ATRNL1: variants seen among roughly 807,000 people sequenced by gnomAD.
ATRNL1 encodes the protein attractin-like protein 1.
A neutral mutation model predicts 182.7 loss-of-function variants in ATRNL1; 95 were observed. That is an observed-to-expected ratio of 0.52 (90% CI 0.44 to 0.62). ATRNL1 has a LOEUF of 0.62. Ranked by LOEUF, ATRNL1 falls within the 20% of genes least tolerant of loss-of-function variation. ATRNL1 has a pLI of 0.00. For synonymous variants in ATRNL1, 576 were observed against 568.3 expected (o/e 1.01, Z -0.19); for missense variants, 1,471 against 1,679.5 (o/e 0.88, Z 2.17).
chr10:115,765,285 G>A (rs558760923), intron 27 of ATRNL1, among the ~76,000 whole-genome samples: 13 of 152,288 alleles, frequency 8.5e-5, no homozygotes, highest in Non-Finnish European at 1.6e-4. Context: ...ATTCCCGTGA[G>A]CAAAGAATGA....
At chr10:115,561,348 C>T (rs2133838219) in intron 26 of ATRNL1, among the ~76,000 whole-genome samples, 1 of 152,286 alleles carries the variant, frequency 6.6e-6, no homozygotes, top group South Asian at 2.1e-4. Context: ...GTAGGCATTT[C>T]TCCATATAAT....
chr10:115,564,911 A>T (rs1183073419), intron 26 of ATRNL1, among the ~76,000 whole-genome samples: 4 of 151,980 alleles, frequency 2.6e-5, no homozygotes, highest in Non-Finnish European at 5.9e-5. Context: ...ATAATTCTGA[A>T]TTATTTTGCA....
intron 27 of ATRNL1, among the ~76,000 whole-genome samples, chr10:115,758,063 C>G (rs555957346): frequency 6.6e-6 from 1 of 151,954 alleles, no homozygotes; most frequent in African/African-American, 2.4e-5. Context: ...ATTCATATAA[C>G]CTTTTTTTCC....
chr10:115,743,967 G>A (rs1555068470), intron 27 of ATRNL1, among the ~76,000 whole-genome samples: 1 of 149,182 alleles, frequency 6.7e-6, no homozygotes, highest in African/African-American at 2.5e-5. Flanking sequence ...TTTATTCTAG[G>A]AGTAAATATA....
At position 115,865,633 on chromosome 10, in the gene ATRNL1, G is replaced by A. The variant is rs560575333; in HGVS notation, c.4018+17642G>A. On this transcript the variant is annotated intron_variant, in intron 28 of 28. Transcript: ENST00000355044. The stretch of plus-strand genomic sequence containing the variant: ...ATAGAAAAATACCCCTATCTTACAG[G>A]TAAAGAAATGAGGTTACAGAAAGGT... Among the ~76,000 whole-genome samples the A allele has an allele frequency of 3.9e-5, 6 of 152,200 alleles. No individual in the cohort carries two copies. The East Asian group carries it at 7.7e-4, about 20-fold the overall frequency.
intron 20 of ATRNL1, among the ~76,000 whole-genome samples, chr10:115,409,830 C>G (rs1715228791): frequency 6.6e-6 from 1 of 152,108 alleles, no homozygotes; most frequent in African/African-American, 2.4e-5. Context: ...TTCAGCTTTT[C>G]CCTATTCAAA....
intron 27 of ATRNL1, among the ~76,000 whole-genome samples, chr10:115,750,629 A>G (rs938746887): frequency 9.0e-4 from 130 of 144,330 alleles, no homozygotes; most frequent in African/African-American, 3.0e-3. Context: ...GAAAATTTAG[A>G]AAAAAAAACT....
At chr10:115,311,982 G>A (rs1190999017) in intron 17 of ATRNL1, among the ~76,000 whole-genome samples, 1 of 151,358 alleles carries the variant, frequency 6.6e-6, no homozygotes, top group Non-Finnish European at 1.5e-5. Flanking sequence ...CCTTTACCTT[G>A]AGTCTATAAG....
chr10:115,647,854 T>A (rs12219313), intron 26 of ATRNL1, among the ~76,000 whole-genome samples: 26,655 of 152,148 alleles, frequency 0.18, 2,907 homozygotes, highest in East Asian at 0.26. Flanking sequence ...GGTGTTTTAG[T>A]CATGAAGTCC....
intron 24 of ATRNL1, among the ~76,000 whole-genome samples, chr10:115,477,515 G>A (rs1848588010): frequency 6.6e-6 from 1 of 151,368 alleles, no homozygotes; most frequent in African/African-American, 2.4e-5. Flanking sequence ...GCAAATTTAG[G>A]ACACCTGTCT....
chr10:115,380,817 T>C (rs1296774714), intron 19 of ATRNL1, among the ~76,000 whole-genome samples: 3 of 152,210 alleles, frequency 2.0e-5, no homozygotes, highest in Admixed American at 1.3e-4. Flanking sequence ...TTTCCATTCT[T>C]TGGCTATTAT....
At chr10:115,714,633 C>T (rs1947191662) in intron 26 of ATRNL1, among the ~76,000 whole-genome samples, 1 of 152,046 alleles carries the variant, frequency 6.6e-6, no homozygotes, top group African/African-American at 2.4e-5. Context: ...TAATAGAAAC[C>T]TTATCAGAGA....
chr10:115,330,672 C>CTTTTTTTTTTTTT (rs200104323), intron 18 of ATRNL1, among the ~76,000 whole-genome samples: 4 of 101,410 alleles, frequency 3.9e-5, no homozygotes, highest in Non-Finnish European at 4.0e-5. Flanking sequence ...GTGTTATTTG[C>CTTTTTTTTTTTTT]TTTTTTTTTT....
chr10:115,863,578 G>A (rs575692707), intron 28 of ATRNL1, among the ~76,000 whole-genome samples: 1 of 152,276 alleles, frequency 6.6e-6, no homozygotes, highest in Non-Finnish European at 1.5e-5. Context: ...CTGTGGCATT[G>A]GGTTGGAATT....
chr10:115,552,005 C>A (rs531451403), intron 26 of ATRNL1, among the ~76,000 whole-genome samples: 1 of 151,060 alleles, frequency 6.6e-6, no homozygotes, highest in Non-Finnish European at 1.5e-5. Flanking sequence ...TCTTGCTGTA[C>A]CTAATTTATA....
chr10:115,455,555 C>A (rs1258742675), intron 21 of ATRNL1, among the ~76,000 whole-genome samples: 13 of 152,144 alleles, frequency 8.5e-5, no homozygotes, highest in South Asian at 2.1e-4. Context: ...TAGGCAATAC[C>A]ATTCAGGACA....
At chr10:115,366,133 T>G (rs556089432) in intron 19 of ATRNL1, among the ~76,000 whole-genome samples, 10 of 152,234 alleles carry the variant, frequency 6.6e-5, no homozygotes, top group Admixed American at 2.6e-4. Flanking sequence ...AAGTCTCCCA[T>G]TATTAATGTG....
At chr10:115,254,572 C>T (rs1283952692) in intron 10 of ATRNL1, among the ~76,000 whole-genome samples, 1 of 152,172 alleles carries the variant, frequency 6.6e-6, no homozygotes, top group East Asian at 1.9e-4. Context: ...AAAATTTTCT[C>T]CCATTCTGTA....
intron 18 of ATRNL1, among the ~76,000 whole-genome samples, chr10:115,321,334 T>A (rs1368294654): frequency 6.6e-6 from 1 of 152,170 alleles, no homozygotes; most frequent in Non-Finnish European, 1.5e-5. Flanking sequence ...AAGTTTAATT[T>A]GTTTACCTTA....
Sources: gnomAD v4.1 joint callset for allele counts (sites outside exome capture counted in the v4.1 genomes callset) on GRCh38, gnomAD v4.1.1 for gene constraint, MANE v1.5 for transcripts, NCBI Gene and HGNC (gene_info 2026-07-23, HGNC 2026-07-21) for gene names.